UST: variants seen among roughly 807,000 people sequenced by gnomAD.
UST encodes uronyl 2-sulfotransferase, also known as chondroitin sulfate 2-O-sulfotransferase.
A neutral mutation model predicts 45.6 loss-of-function variants in UST; 21 were observed. That is an observed-to-expected ratio of 0.46 (90% CI 0.33 to 0.66). The LOEUF is 0.66. UST is among the 30% of genes least tolerant of loss of function. The pLI, the probability that UST is intolerant of heterozygous loss-of-function variation, is 0.02. For synonymous variants in UST, 215 were observed against 200.6 expected, an observed-to-expected ratio of 1.07 and a Z score of -0.61; for missense variants, 463 against 512.4, an observed-to-expected ratio of 0.90 and a Z score of 0.93.
chr6:148,936,049 A>G (rs945261090), intron 2 of UST, among the ~76,000 whole-genome samples: 2 of 152,172 alleles, frequency 1.3e-5, no homozygotes, highest in Admixed American at 1.3e-4. Context: ...TCTCTTCACT[A>G]TTTGATTTGT....
intron 1 of UST, among the ~76,000 whole-genome samples, chr6:148,807,420 C>G (rs964030069): frequency 1.3e-5 from 2 of 152,192 alleles, no homozygotes. Flanking sequence ...CATTTACCAA[C>G]CATGTGGTCA....
Position 148,818,683 on chromosome 6 carries a change from G to GA in UST, c.248-68298dup, listed in dbSNP as rs568565281. Among the ~76,000 whole-genome samples, 12 of 152,294 alleles carry GA rather than the reference G, an allele frequency of 7.9e-5. No homozygotes were observed. In the East Asian group the frequency reaches 2.3e-3, roughly 29 times the overall value. On this transcript the variant is annotated intron_variant, in intron 1 of 7. Transcript: ENST00000367463. ...TCAAAGAGTCTTTGCCAAATATTAAGAAAAATGCCTATTTGAGGCAATTTT... is the reference window on the plus strand; with the variant it reads ...TCAAAGAGTCTTTGCCAAATATTAAGAAAAAATGCCTATTTGAGGCAATTTT...
At chr6:148,894,347 G>A (rs1202275408) in intron 2 of UST, among the ~76,000 whole-genome samples, 4 of 152,214 alleles carry the variant, frequency 2.6e-5, no homozygotes, top group African/African-American at 9.6e-5. Context: ...TCATACTGGA[G>A]AAGGGTGGAC....
At chr6:149,037,486 C>A (rs768744586) in intron 7 of UST, among the ~76,000 whole-genome samples, 22 of 152,162 alleles carry the variant, frequency 1.4e-4, no homozygotes, top group Non-Finnish European at 2.8e-4. Flanking sequence ...AGGGGGTTTT[C>A]CCCAGCCAGG....
chr6:149,027,643 C>T (rs566437319), intron 7 of UST: 36 of 152,236 alleles, frequency 2.4e-4, no homozygotes, highest in African/African-American at 8.2e-4. Context: ...AGGATGAAAT[C>T]CTAGCTGGAG....
At chr6:148,771,496 C>T (rs2114673899) in intron 1 of UST, among the ~76,000 whole-genome samples, 1 of 152,276 alleles carries the variant, frequency 6.6e-6, no homozygotes, top group East Asian at 1.9e-4. Flanking sequence ...GTTTCTAAAC[C>T]AGAAGCAAGT....
chr6:148,784,644 T>C (rs1272350159), intron 1 of UST, among the ~76,000 whole-genome samples: 1 of 152,254 alleles, frequency 6.6e-6, no homozygotes, highest in Non-Finnish European at 1.5e-5. Flanking sequence ...ATCTTGTGTA[T>C]GTGTCCACAG....
intron 2 of UST, among the ~76,000 whole-genome samples, chr6:148,939,501 A>T (rs1444504791): frequency 1.3e-5 from 2 of 152,202 alleles, no homozygotes; most frequent in East Asian, 3.8e-4. Flanking sequence ...CATGAGTATA[A>T]ACATATAGAT....
chr6:148,974,422 A>G (rs1780977142), intron 5 of UST, among the ~76,000 whole-genome samples: 2 of 152,218 alleles, frequency 1.3e-5, no homozygotes, highest in Admixed American at 1.3e-4. Flanking sequence ...CATGTAACAA[A>G]CAACGTTTGT....
At chr6:149,068,940 C>A (rs1776780756) in intron 7 of UST, among the ~76,000 whole-genome samples, 1 of 152,158 alleles carries the variant, frequency 6.6e-6, no homozygotes, top group Non-Finnish European at 1.5e-5. Context: ...TCATCCTACT[C>A]CCTCCTTGTG....
intron 1 of UST, among the ~76,000 whole-genome samples, chr6:148,796,982 T>C (rs1776963443): frequency 6.6e-6 from 1 of 151,954 alleles, no homozygotes; most frequent in Non-Finnish European, 1.5e-5. Context: ...TTTGTATTTT[T>C]AGTAGAGACG....
At chr6:148,894,826 T>TTGC (rs1554224141) in intron 2 of UST, among the ~76,000 whole-genome samples, 42 of 138,392 alleles carry the variant, frequency 3.0e-4, no homozygotes, top group African/African-American at 1.1e-3. Flanking sequence ...TTTTTTTTTT[T>TTGC]TTTTTTTTTT....
At chr6:148,770,360 CG>C (rs1776400656) in intron 1 of UST, among the ~76,000 whole-genome samples, 1 of 150,350 alleles carries the variant, frequency 6.7e-6, no homozygotes, top group Non-Finnish European at 1.5e-5. Context: ...AAGAAGAGCA[CG>C]TGCAAAGGCA....
chr6:148,795,600 TA>T (rs964037982), intron 1 of UST, among the ~76,000 whole-genome samples: 1 of 152,058 alleles, frequency 6.6e-6, no homozygotes, highest in African/African-American at 2.4e-5. Flanking sequence ...CAGGGACTTT[TA>T]AAAAAACCCA....
intron 1 of UST, among the ~76,000 whole-genome samples, chr6:148,804,817 AATAT>A (rs1300469426): frequency 1.5e-5 from 2 of 130,310 alleles, no homozygotes; most frequent in Admixed American, 7.6e-5. Context: ...TTTATATGTA[AATAT>A]ATATATAAAT....
chr6:148,918,677 T>G (rs1436715071), intron 2 of UST, among the ~76,000 whole-genome samples: 1 of 152,232 alleles, frequency 6.6e-6, no homozygotes, highest in Non-Finnish European at 1.5e-5. Flanking sequence ...CTCCGCCAGA[T>G]GGCTCCTACC....
intron 2 of UST, among the ~76,000 whole-genome samples, chr6:148,910,684 A>G (rs1779454678): frequency 6.6e-6 from 1 of 152,208 alleles, no homozygotes; most frequent in Non-Finnish European, 1.5e-5. Context: ...TTATATATGT[A>G]TGTTTATAAA....
chr6:148,883,049 T>TCCCTGG (rs1778852926), intron 1 of UST, among the ~76,000 whole-genome samples: 1 of 152,234 alleles, frequency 6.6e-6, no homozygotes, highest in Non-Finnish European at 1.5e-5. Context: ...GCATCTCAAT[T>TCCCTGG]TTGAGGTAAT....
chr6:149,074,616 T>G lies in UST; in HGVS notation c.*500T>G, dbSNP rs1265062434. 6.2e-6 allele frequency: 1 copy of G among 160,836 alleles called. No homozygotes were observed. Among genetic ancestry groups the G allele is most frequent in the Non-Finnish European group, 1.4e-5 (1 of 73,364 alleles). 10.0% of individuals were successfully genotyped at this position (160,836 alleles called of 1,614,324 possible). On this transcript the variant is annotated 3_prime_UTR_variant, in exon 8 of 8. Coordinates refer to ENST00000367463, the MANE Select transcript of UST (RefSeq NM_005715.3). ...GAGGATGGAGCCAGGTGCCATGGCT[T>G]GAGCCTATAATCCGAGGCTGAGGTG...
Sources: allele counts gnomAD v4.1 joint callset (sites outside exome capture counted in the v4.1 genomes callset), GRCh38; gene constraint gnomAD v4.1.1; transcripts MANE v1.5; gene names NCBI Gene and HGNC (gene_info 2026-07-23, HGNC 2026-07-21).